The following PTPRD variants were observed in gnomAD, a reference collection of about 807,000 sequenced individuals.
PTPRD encodes receptor-type tyrosine-protein phosphatase delta.
A neutral mutation model predicts 214.5 loss-of-function variants in PTPRD; 34 were observed. That is an observed-to-expected ratio of 0.16 (90% CI 0.12 to 0.21). PTPRD has a LOEUF of 0.21. Among genes scored for constraint, PTPRD ranks in the 10% least tolerant of loss-of-function variants. PTPRD has a pLI of 1.00. For missense variants in PTPRD, 2,545 were observed against 2,398.7 expected, an observed-to-expected ratio of 1.06 and a Z score of -1.27; for synonymous variants, 1,128 against 845.7, an observed-to-expected ratio of 1.33 and a Z score of -5.79.
At chr9:9,861,009 T>C (rs2062632590) in intron 5 of PTPRD, among the ~76,000 whole-genome samples, 2 of 152,212 alleles carry the variant, frequency 1.3e-5, no homozygotes, top group East Asian at 1.9e-4. Context: ...ATAGACATTA[T>C]AGTTGGAAGC....
At chr9:10,256,710 C>T (rs1338724583) in intron 3 of PTPRD, among the ~76,000 whole-genome samples, 4 of 152,168 alleles carry the variant, frequency 2.6e-5, no homozygotes, top group Admixed American at 2.0e-4. Context: ...TTGCCACTAA[C>T]GTGTAGGATA....
rs869246078 is a variant in PTPRD, at chr9:9,384,343, C to CT, written c.-203+13105dup. ...GATGATATTTGAGCAGAAGACTAGG[C>CT]TTTTTTTTTTTTTTTTTTTTTTTTT... On this transcript the variant is annotated intron_variant, in intron 9 of 45. Transcript: ENST00000381196. Among the ~76,000 whole-genome samples, 18 of 33,318 alleles carry CT rather than the reference C, an allele frequency of 5.4e-4. 3 individuals carry two copies. Among genetic ancestry groups the CT allele is most frequent in the East Asian group, 1.2e-3 (1 of 826 alleles). 21.9% of individuals were successfully genotyped at this position (33,318 alleles called of 152,430 possible).
chr9:9,816,319 T>C (rs2048759548), intron 5 of PTPRD, among the ~76,000 whole-genome samples: 2 of 152,014 alleles, frequency 1.3e-5, no homozygotes, highest in South Asian at 4.1e-4. Context: ...AGACCTATAA[T>C]GTATATTGCC....
chr9:8,758,134 G>T (rs1047383561), intron 11 of PTPRD, among the ~76,000 whole-genome samples: 4 of 152,174 alleles, frequency 2.6e-5, no homozygotes, highest in Non-Finnish European at 5.9e-5. Context: ...TAAAATCAGA[G>T]ATGCAGGAAG....
intron 8 of PTPRD, among the ~76,000 whole-genome samples, chr9:9,422,193 T>C (rs777412918): frequency 6.6e-6 from 1 of 152,114 alleles, no homozygotes; most frequent in Non-Finnish European, 1.5e-5. Flanking sequence ...AATTATTATC[T>C]TTATTTTAAA....
At chr9:10,504,118 A>C (rs374246973) in intron 2 of PTPRD, among the ~76,000 whole-genome samples, 34 of 131,210 alleles carry the variant, frequency 2.6e-4, no homozygotes, top group African/African-American at 9.1e-4. Context: ...TCTGTCTCAA[A>C]AAAAAAAAAA....
At chr9:8,586,493 T>C (rs907836711) in intron 14 of PTPRD, among the ~76,000 whole-genome samples, 1 of 152,148 alleles carries the variant, frequency 6.6e-6, no homozygotes, top group African/African-American at 2.4e-5. Context: ...CCACTTCTGC[T>C]AGGCTGGGAT....
At chr9:9,185,924 T>A (rs2099931148) in intron 9 of PTPRD, among the ~76,000 whole-genome samples, 1 of 151,476 alleles carries the variant, frequency 6.6e-6, no homozygotes, top group African/African-American at 2.4e-5. Context: ...CTTTTCAGAG[T>A]ACAAATATCA....
At chr9:9,580,382 T>G (rs2090362309) in intron 7 of PTPRD, among the ~76,000 whole-genome samples, 1 of 152,076 alleles carries the variant, frequency 6.6e-6, no homozygotes, top group South Asian at 2.1e-4. Flanking sequence ...TTTTGTCTTT[T>G]TGTTAATAGC....
intron 2 of PTPRD, among the ~76,000 whole-genome samples, chr9:10,468,162 C>T (rs551632865): frequency 2.0e-5 from 3 of 152,108 alleles, no homozygotes; most frequent in East Asian, 1.9e-4. Flanking sequence ...TATATACCCA[C>T]AGGATTATAA....
chr9:9,706,833 T>C (rs1365646474), intron 7 of PTPRD, among the ~76,000 whole-genome samples: 1 of 151,818 alleles, frequency 6.6e-6, no homozygotes, highest in Non-Finnish European at 1.5e-5. Flanking sequence ...CTGTTTGGGG[T>C]GGGAATGGGG....
At chr9:8,382,175 T>C (rs1468965988) in intron 37 of PTPRD, among the ~76,000 whole-genome samples, 1 of 152,160 alleles carries the variant, frequency 6.6e-6, no homozygotes, top group African/African-American at 2.4e-5. Flanking sequence ...ATCAATGCAG[T>C]TCAATATTTT....
chr9:10,107,125 A>G (rs1563850393), intron 3 of PTPRD, among the ~76,000 whole-genome samples: 1 of 152,020 alleles, frequency 6.6e-6, no homozygotes, highest in Admixed American at 6.6e-5. Context: ...GAACATATAA[A>G]TTTACCTTTG....
intron 21 of PTPRD, among the ~76,000 whole-genome samples, chr9:8,512,105 C>A (rs1236069551): frequency 6.6e-6 from 1 of 151,998 alleles, no homozygotes; most frequent in African/African-American, 2.4e-5. Context: ...CTAGAAAACC[C>A]ATGATTGCTA....
At chr9:8,524,725 G>A (rs2097972576) in intron 18 of PTPRD, 200 bp downstream of exon 18, 4 of 716,720 alleles carry the variant, frequency 5.6e-6, no homozygotes, top group African/African-American at 1.7e-5. Flanking sequence ...CCTCAGGACA[G>A]ATTATACTCA....
intron 8 of PTPRD, among the ~76,000 whole-genome samples, chr9:9,564,937 T>C (rs1214738634): frequency 7.3e-6 from 1 of 136,568 alleles, no homozygotes; most frequent in Non-Finnish European, 1.6e-5. Context: ...GGCTAACCTG[T>C]TATGGGCTAT....
intron 6 of PTPRD, among the ~76,000 whole-genome samples, chr9:9,736,420 C>T (rs909787755): frequency 2.0e-5 from 3 of 152,018 alleles, no homozygotes; most frequent in Non-Finnish European, 2.9e-5. Context: ...CCACAATTTA[C>T]ATATTCAATC....
At chr9:9,306,334 TG>T (rs1957110806) in intron 9 of PTPRD, among the ~76,000 whole-genome samples, 1 of 151,602 alleles carries the variant, frequency 6.6e-6, no homozygotes, top group African/African-American at 2.4e-5. Context: ...GAGGCCTAGG[TG>T]GGTGGATCAC....
At chr9:9,886,748 G>C (rs2071083587) in intron 5 of PTPRD, among the ~76,000 whole-genome samples, 2 of 152,138 alleles carry the variant, frequency 1.3e-5, no homozygotes, top group Middle Eastern at 3.2e-3. Context: ...CCTCCATCTT[G>C]TTTGCTGGAA....
Sources: gnomAD v4.1 joint callset for allele counts (sites outside exome capture counted in the v4.1 genomes callset) on GRCh38, gnomAD v4.1.1 for gene constraint, MANE v1.5 for transcripts, NCBI Gene and HGNC (gene_info 2026-07-23, HGNC 2026-07-21) for gene names.